Variants in PXMP2 observed in about 807,000 individuals in gnomAD.
PXMP2 encodes 22 kDa peroxisomal membrane protein.
In PXMP2, 13 loss-of-function variants were observed where a neutral mutation model predicts 20.2. The observed-to-expected ratio is 0.64, with a 90% CI of 0.42 to 1.02. The LOEUF (loss-of-function observed/expected upper bound fraction) is 1.02, where lower values mean the gene tolerates loss of function less well. PXMP2 is among the 50% of genes least tolerant of loss of function. The pLI, the probability that PXMP2 is intolerant of heterozygous loss-of-function variation, is 0.00. For missense variants in PXMP2, 284 were observed against 251.8 expected (o/e 1.13, Z -0.87); for synonymous variants, 113 against 111.2 (o/e 1.02, Z -0.10).
chr12:132,695,799 G>A (rs1045214704), intron 2 of PXMP2, 85 bp from the exon 3 acceptor site: 15 of 1,424,042 alleles, frequency 1.1e-5, no homozygotes, highest in African/African-American at 1.4e-5. Flanking sequence ...CAGGGGTTAG[G>A]ACCTGGGATT....
chr12:132,704,906 T>G lies in PXMP2; in HGVS notation c.*219T>G. On this transcript the variant is annotated 3_prime_UTR_variant, in exon 5 of 5. Transcript: ENST00000317479. ...CTTCAGGTGGTGCTGCCCCAGAAAC[T>G]TAAAATTTAGTCGAGGCAGTTTCAA... 1 of 555,106 alleles carries G rather than the reference T, an allele frequency of 1.8e-6. No homozygotes were observed. The highest frequency in any genetic ancestry group is 3.2e-6 in the Non-Finnish European group (1 of 310,130). 34.4% of individuals were successfully genotyped at this position (555,106 alleles called of 1,614,324 possible).
At chr12:132,698,165 A>G (rs2136065567) in intron 3 of PXMP2, among the ~76,000 whole-genome samples, 1 of 152,092 alleles carries the variant, frequency 6.6e-6, no homozygotes, top group South Asian at 2.1e-4. Context: ...GCCCGCCACC[A>G]TGCCCGGCTA....
At position 132,704,896 on chromosome 12, in the gene PXMP2, C is replaced by A; in HGVS notation, c.*209C>A. 1.8e-6 allele frequency: 1 copy of A among 571,028 alleles called. No homozygotes were observed. The highest frequency in any genetic ancestry group is 3.1e-6 in the Non-Finnish European group (1 of 319,268). The allele number at this position is 571,028 out of a possible 1,614,324, so 35.4% of individuals were successfully genotyped here. A position where few individuals can be genotyped will look rare whatever the true frequency, so the allele number is the denominator to read the frequency against. ...CAGTCGCTGCCTTCAGGTGGTGCTG[C>A]CCCAGAAACTTAAAATTTAGTCGAG... On this transcript the variant is annotated 3_prime_UTR_variant, in exon 5 of 5. Coordinates refer to ENST00000317479, the MANE Select transcript of PXMP2 (RefSeq NM_018663.3).
chr12:132,691,269 G>T (rs182401735), intron 2 of PXMP2, among the ~76,000 whole-genome samples: 1 of 151,584 alleles, frequency 6.6e-6, no homozygotes, highest in Non-Finnish European at 1.5e-5. Flanking sequence ...AGGATGGTCT[G>T]GATCTCCTGA....
intron 2 of PXMP2, among the ~76,000 whole-genome samples, chr12:132,694,016 TAGCC>T (rs1364880216): frequency 3.1e-5 from 2 of 64,372 alleles, no homozygotes; most frequent in Non-Finnish European, 8.8e-5. Context: ...TGAGCTCCCT[TAGCC>T]AGTTAGTTAG....
At chr12:132,697,136 A>G (rs2136064875) in intron 3 of PXMP2, among the ~76,000 whole-genome samples, 1 of 151,976 alleles carries the variant, frequency 6.6e-6, no homozygotes, top group South Asian at 2.1e-4. Context: ...AAAGTAAAAA[A>G]TGAGCCAGTG....
At chr12:132,702,021 C>T (rs1265152195) in intron 4 of PXMP2, among the ~76,000 whole-genome samples, 2 of 152,202 alleles carry the variant, frequency 1.3e-5, no homozygotes, top group African/African-American at 2.4e-5. Flanking sequence ...ATCCGGGAGA[C>T]GGAGGTTGGA....
intron 1 of PXMP2, among the ~76,000 whole-genome samples, chr12:132,688,618 G>T (rs2043338681): frequency 2.4e-5 from 1 of 42,096 alleles, no homozygotes; most frequent in Non-Finnish European, 5.4e-5. Context: ...CAAGGGAGCG[G>T]GTCTGCGTGG....
chr12:132,688,047 T>C (rs2043320820), intron 1 of PXMP2: 2 of 224,898 alleles, frequency 8.9e-6, no homozygotes, highest in South Asian at 1.4e-4. Flanking sequence ...GGGTCGGCGC[T>C]GAGGTTCCAC....
intron 3 of PXMP2, among the ~76,000 whole-genome samples, chr12:132,700,131 T>G (rs568056873): frequency 1.4e-5 from 2 of 147,744 alleles, no homozygotes; most frequent in South Asian, 4.4e-4. Context: ...AACCTCCGCC[T>G]CCCGGGTTCA....
rs745572613 is a variant in PXMP2 at position 132,695,910 on chromosome 12, ACTTCTT to A, written c.266_271del (p.Phe89_Phe90del). The A allele has an allele frequency of 6.2e-7, 1 of 1,607,344 alleles. No individual in the cohort carries two copies. The highest frequency in any genetic ancestry group is 8.5e-7 in the Non-Finnish European group (1 of 1,176,848). On this transcript the variant is annotated inframe_deletion, in exon 3 of 5. Transcript: ENST00000317479. ...TTCTTCTTCACAGGGCCGCTGAGTC[ACTTCTT>A]CTACTTCTTCATGGAACATTGGATC...
chr12:132,702,249 G>A (rs2043446977), intron 4 of PXMP2, among the ~76,000 whole-genome samples: 1 of 152,242 alleles, frequency 6.6e-6, no homozygotes, highest in South Asian at 2.1e-4. Context: ...CCTGGGCAAG[G>A]GGTGGGCCCA....
intron 4 of PXMP2, among the ~76,000 whole-genome samples, chr12:132,703,538 A>T (rs2136069724): frequency 6.6e-6 from 1 of 152,290 alleles, no homozygotes; most frequent in Non-Finnish European, 1.5e-5. Context: ...AGAGAAAGTG[A>T]CAGCTGAGCG....
At chr12:132,693,714 T>C (rs2043388051) in intron 2 of PXMP2, among the ~76,000 whole-genome samples, 1 of 134,252 alleles carries the variant, frequency 7.4e-6, no homozygotes, top group African/African-American at 2.7e-5. Flanking sequence ...CTTAGCCAGT[T>C]AGTTAGTGAG....
At chr12:132,690,183 C>T (rs900796618) in intron 1 of PXMP2, 80 bp from the exon 2 acceptor site, 4 of 1,113,516 alleles carry the variant, frequency 3.6e-6, no homozygotes, top group South Asian at 1.3e-5. Flanking sequence ...GGCCTCAGAA[C>T]GGCCCTGCTA....
chr12:132,693,664 T>C (rs2043387580), intron 2 of PXMP2, among the ~76,000 whole-genome samples: 1 of 110,930 alleles, frequency 9.0e-6, no homozygotes, highest in African/African-American at 3.8e-5. Context: ...CCCTTGCCAG[T>C]TAGTTAGTGA....
intron 2 of PXMP2, among the ~76,000 whole-genome samples, chr12:132,695,265 G>T (rs1456031841): frequency 6.6e-6 from 1 of 151,160 alleles, no homozygotes; most frequent in Non-Finnish European, 1.5e-5. Flanking sequence ...CCTAGTGAGT[G>T]CCCTTGCCAG....
At chr12:132,703,400 G>T (rs75562031) in intron 4 of PXMP2, among the ~76,000 whole-genome samples, 4,341 of 152,214 alleles carry the variant, frequency 0.029, 187 homozygotes, top group African/African-American at 0.097. Flanking sequence ...CTTGTGGGAT[G>T]GGCAAACACG....
chr12:132,704,490 G>A (rs368977613), intron 4 of PXMP2, 129 bp from the exon 5 acceptor site: 5 of 613,664 alleles, frequency 8.1e-6, no homozygotes, highest in Admixed American at 3.6e-5. Flanking sequence ...CTCAGTAAAT[G>A]CAGTAATGGA....
Sources: gnomAD v4.1 joint callset for allele counts (sites outside exome capture counted in the v4.1 genomes callset) on GRCh38, gnomAD v4.1.1 for gene constraint, MANE v1.5 for transcripts, NCBI Gene and HGNC (gene_info 2026-07-23, HGNC 2026-07-21) for gene names.